Variants in CDH20 observed in about 807,000 individuals in gnomAD.
CDH20 encodes the protein cadherin-20.
A neutral mutation model predicts 74.2 loss-of-function variants in CDH20; 29 were observed. The ratio of observed to expected loss-of-function variants is 0.39; its 90% confidence interval spans 0.29 to 0.53. The LOEUF (loss-of-function observed/expected upper bound fraction) is 0.53. Among genes scored for constraint, CDH20 ranks in the 20% least tolerant of loss-of-function variants. The pLI is 0.69. For missense variants in CDH20, 988 were observed against 1,048.3 expected, an observed-to-expected ratio of 0.94 and a Z score of 0.79; for synonymous variants, 469 against 405.4, an observed-to-expected ratio of 1.16 and a Z score of -1.88.
intron 1 of CDH20, among the ~76,000 whole-genome samples, chr18:61,469,327 G>C (rs756195878): frequency 1.3e-5 from 2 of 150,594 alleles, no homozygotes; most frequent in Non-Finnish European, 2.9e-5. Flanking sequence ...TTTGAAAGCA[G>C]CTGAGCAAAG....
rs115515479 is a variant in CDH20 at position 61,405,176 on chromosome 18, C to A, written c.-153+71349C>A. The A allele has an allele frequency of 1.6e-3, 813 of 500,688 alleles. 5 individuals carry two copies. The highest frequency in any genetic ancestry group is 0.014 in the African/African-American group (694 of 50,108). The allele number at this position is 500,688 out of a possible 1,614,324, so 31.0% of individuals were successfully genotyped here. A position where few individuals can be genotyped will look rare whatever the true frequency, so the allele number is the denominator to read the frequency against. On this transcript the variant is annotated intron_variant, in intron 1 of 11. Transcript: ENST00000262717. The stretch of plus-strand genomic sequence containing the variant: ...AGAGCCTAGAATTGATCAACTCCAG[C>A]GACTTTTTTGTCTTCTTTGCAGCCA...
intron 1 of CDH20, among the ~76,000 whole-genome samples, chr18:61,337,779 A>G (rs1909807084): frequency 6.6e-6 from 1 of 152,222 alleles, no homozygotes; most frequent in African/African-American, 2.4e-5. Flanking sequence ...CATTAAGCAC[A>G]TGGTATCTGG....
intron 10 of CDH20, among the ~76,000 whole-genome samples, chr18:61,548,423 G>A (rs766428413): frequency 9.9e-5 from 15 of 152,160 alleles, no homozygotes; most frequent in South Asian, 2.1e-4. Flanking sequence ...TTCTGAAAAC[G>A]AGTAAGATTA....
chr18:61,351,140 G>T (rs949670787), intron 1 of CDH20, among the ~76,000 whole-genome samples: 6 of 152,320 alleles, frequency 3.9e-5, no homozygotes, highest in African/African-American at 1.4e-4. Context: ...AACATGAGAT[G>T]CAAACTCCCT....
chr18:61,522,210 C>A (rs1912234582), intron 6 of CDH20, among the ~76,000 whole-genome samples: 1 of 152,186 alleles, frequency 6.6e-6, no homozygotes, highest in South Asian at 2.1e-4. Context: ...TGATAAGCAA[C>A]TATAGCAAAG....
At chr18:61,422,073 C>T (rs1912900235) in intron 1 of CDH20, among the ~76,000 whole-genome samples, 1 of 152,094 alleles carries the variant, frequency 6.6e-6, no homozygotes, top group Non-Finnish European at 1.5e-5. Context: ...ATTAATATGG[C>T]TTCTAGTCCA....
Position 61,422,805 on chromosome 18 carries a change from CA to C in CDH20, c.-152-67595del, listed in dbSNP as rs556391074. 5.3e-4 allele frequency among the ~76,000 whole-genome samples: 81 copies of C among 151,476 alleles called. 2 individuals carry two copies. In the South Asian group the frequency reaches 0.016, roughly 31 times the overall value. ...CTTATATAAATGGTCACATTTTATACAATAGCTACCAAGTGTGAACGAGCCC... is the reference window on the plus strand; with the variant it reads ...CTTATATAAATGGTCACATTTTATACATAGCTACCAAGTGTGAACGAGCCC... On this transcript the variant is annotated intron_variant, in intron 1 of 11. Transcript: ENST00000262717.
chr18:61,351,211 G>A (rs1028151873), intron 1 of CDH20, among the ~76,000 whole-genome samples: 4 of 152,062 alleles, frequency 2.6e-5, no homozygotes, highest in Admixed American at 6.5e-5. Context: ...ACTGTCTACC[G>A]AGTAAGACCA....
At chr18:61,348,146 T>C (rs1042827455) in intron 1 of CDH20, among the ~76,000 whole-genome samples, 2 of 152,204 alleles carry the variant, frequency 1.3e-5, no homozygotes, top group Non-Finnish European at 2.9e-5. Context: ...TCTCAATTAA[T>C]GTTTTTAAGT....
At chr18:61,428,333 A>T (rs1913141163) in intron 1 of CDH20, among the ~76,000 whole-genome samples, 1 of 152,212 alleles carries the variant, frequency 6.6e-6, no homozygotes, top group South Asian at 2.1e-4. Flanking sequence ...CTACCAAAGA[A>T]GTGTAGGCGG....
chr18:61,382,562 C>G lies in CDH20; in HGVS notation c.-153+48735C>G, dbSNP rs184468555. 2.3e-3 allele frequency among the ~76,000 whole-genome samples: 353 copies of G among 152,274 alleles called. 2 individuals carry two copies. Among genetic ancestry groups the G allele is most frequent in the African/African-American group, 8.2e-3 (340 of 41,556 alleles). ...AAGTATCTAATGTAGAATGTCAGAT[C>G]TCAACACATAATTGCTATTATTATT... On this transcript the variant is annotated intron_variant, in intron 1 of 11. Coordinates refer to ENST00000262717, the MANE Select transcript of CDH20 (RefSeq NM_031891.4).
intron 1 of CDH20, among the ~76,000 whole-genome samples, chr18:61,380,140 C>T (rs1201652143): frequency 6.6e-6 from 1 of 152,160 alleles, no homozygotes; most frequent in Non-Finnish European, 1.5e-5. Flanking sequence ...AGATAAAACC[C>T]CCTGAAGGGG....
chr18:61,339,393 A>G (rs1909862707), intron 1 of CDH20, among the ~76,000 whole-genome samples: 1 of 151,508 alleles, frequency 6.6e-6, no homozygotes, highest in Non-Finnish European at 1.5e-5. Context: ...ACACACACAT[A>G]TATATTGCAT....
chr18:61,344,254 C>T (rs1180374808), intron 1 of CDH20, among the ~76,000 whole-genome samples: 1 of 152,190 alleles, frequency 6.6e-6, no homozygotes, highest in African/African-American at 2.4e-5. Flanking sequence ...GTCAAAAGCA[C>T]TTCATCAGTA....
At chr18:61,468,788 T>C (rs1235061096) in intron 1 of CDH20, among the ~76,000 whole-genome samples, 4 of 152,248 alleles carry the variant, frequency 2.6e-5, no homozygotes, top group African/African-American at 9.6e-5. Context: ...TGGGTGATGC[T>C]AATGAAGTTC....
At chr18:61,339,970 G>A (rs1057126048) in intron 1 of CDH20, among the ~76,000 whole-genome samples, 5 of 151,980 alleles carry the variant, frequency 3.3e-5, no homozygotes, top group East Asian at 1.9e-4. Context: ...GATTACAGGC[G>A]TGAGCCACTG....
intron 1 of CDH20, among the ~76,000 whole-genome samples, chr18:61,368,933 A>G (rs990156966): frequency 7.3e-5 from 11 of 151,548 alleles, no homozygotes; most frequent in African/African-American, 2.7e-4. Flanking sequence ...TACTAGTCAC[A>G]TGAAAAAGCT....
chr18:61,404,575 T>C (rs1912264002), intron 1 of CDH20, among the ~76,000 whole-genome samples: 1 of 152,148 alleles, frequency 6.6e-6, no homozygotes, highest in African/African-American at 2.4e-5. Flanking sequence ...CATGAAATCT[T>C]GGTTCTGTCG....
At chr18:61,456,317 G>A (rs895188863) in intron 1 of CDH20, among the ~76,000 whole-genome samples, 105 of 152,174 alleles carry the variant, frequency 6.9e-4, no homozygotes, top group African/African-American at 2.1e-3. Context: ...ACATGATTTG[G>A]GAGTTACCCC....
Sources: gnomAD v4.1 joint callset for allele counts (sites outside exome capture counted in the v4.1 genomes callset) on GRCh38, gnomAD v4.1.1 for gene constraint, MANE v1.5 for transcripts, NCBI Gene and HGNC (gene_info 2026-07-23, HGNC 2026-07-21) for gene names.